The following SMAD3 variants were observed in gnomAD, a reference collection of about 807,000 sequenced individuals.
SMAD3 encodes MAD homolog 3.
SMAD3 carries 12 observed loss-of-function variants against 51.8 expected under a neutral mutation model. The ratio of observed to expected loss-of-function variants is 0.23; its 90% CI spans 0.15 to 0.38. The LOEUF is 0.38. Ranked by LOEUF, SMAD3 falls within the 10% of genes least tolerant of loss-of-function variation. The pLI, the probability that SMAD3 is intolerant of heterozygous loss-of-function variation, is 1.00. For synonymous variants in SMAD3, 238 were observed against 227.7 expected, an observed-to-expected ratio of 1.05 and a Z score of -0.41; for missense variants, 294 against 565.6, an observed-to-expected ratio of 0.52 and a Z score of 4.87.
At chr15:67,174,818 A>C (rs1962845248) in intron 5 of SMAD3, among the ~76,000 whole-genome samples, 1 of 152,250 alleles carries the variant, frequency 6.6e-6, no homozygotes, top group Non-Finnish European at 1.5e-5. Flanking sequence ...AGCAGAGGAC[A>C]TCTGGTTTCT....
At chr15:67,116,344 C>G (rs1595908354) in intron 1 of SMAD3, among the ~76,000 whole-genome samples, 1 of 152,168 alleles carries the variant, frequency 6.6e-6, no homozygotes, top group African/African-American at 2.4e-5. Context: ...ACACGTTGTC[C>G]TAGGATGCAG....
Position 67,084,286 on chromosome 15 carries a change from T to A in SMAD3, c.206+17926T>A, listed in dbSNP as rs182944987. 7.8e-4 allele frequency among the ~76,000 whole-genome samples: 118 copies of A among 151,786 alleles called. 1 individual carries two copies. Among genetic ancestry groups the A allele is most frequent in the African/African-American group, 2.8e-3 (114 of 41,376 alleles). On this transcript the variant is annotated intron_variant, in intron 1 of 8. Transcript: ENST00000327367. Reference sequence around the variant, plus strand: ...TTAGTAGAGACGGGGTTTCTTTGTGTTAGCCAGGATGGTCTCCATCTCCTG... The same window carrying A: ...TTAGTAGAGACGGGGTTTCTTTGTGATAGCCAGGATGGTCTCCATCTCCTG...
intron 1 of SMAD3, among the ~76,000 whole-genome samples, chr15:67,127,070 G>C (rs1397331199): frequency 1.3e-5 from 2 of 152,126 alleles, no homozygotes; most frequent in Non-Finnish European, 2.9e-5. Context: ...TTAGCTCTCA[G>C]ACAGACAAGG....
intron 1 of SMAD3, among the ~76,000 whole-genome samples, chr15:67,067,294 C>G (rs1021465422): frequency 6.6e-6 from 1 of 152,212 alleles, no homozygotes; most frequent in Non-Finnish European, 1.5e-5. Flanking sequence ...CGGGCGGGAG[C>G]CCACAGATGG....
At position 67,194,978 on chromosome 15, in the gene SMAD3, C is replaced by G. The variant is rs189685754; in HGVS notation, c.*4442C>G. 1 of 233,660 alleles carries G rather than the reference C, an allele frequency of 4.3e-6. No homozygotes were observed. Among genetic ancestry groups the G allele is most frequent in the East Asian group, 6.0e-5 (1 of 16,694 alleles). 14.5% of individuals were successfully genotyped at this position (233,660 alleles called of 1,614,324 possible). ...GACTGTGTTGATTACCTTCACTATT[C>G]GGCCAGCCTGACCTTTTAATAACTT... On this transcript the variant is annotated 3_prime_UTR_variant, in exon 9 of 9. Transcript: ENST00000327367.
intron 7 of SMAD3, chr15:67,186,977 C>T (rs1427783539): frequency 2.2e-6 from 1 of 446,108 alleles, no homozygotes; most frequent in Non-Finnish European, 4.5e-6. Flanking sequence ...GGCAACCTGG[C>T]CCAGGTCCCT....
At chr15:67,181,555 G>A (rs928593126) in intron 6 of SMAD3, 102 bp downstream of exon 6, 121 of 1,000,980 alleles carry the variant, frequency 1.2e-4, no homozygotes, top group Non-Finnish European at 1.6e-4. Context: ...GGAACCTTGC[G>A]TCCATCCTTA....
Position 67,166,696 on chromosome 15 carries a change from G to A in SMAD3, c.533-83G>A. The A allele has an allele frequency of 4.7e-6, 4 of 848,142 alleles. No individual in the cohort carries two copies. In the South Asian group the frequency reaches 5.7e-5, roughly 12 times the overall value. The allele number at this position is 848,142 out of a possible 1,614,324, so 52.5% of individuals were successfully genotyped here. ...GCCACGGATGCTAGCATCATGGTGT[G>A]CATGTGTGATGTCTTTGCAAAAGGT... On this transcript the variant is annotated intron_variant, in intron 3 of 8. Transcript: ENST00000327367.
At chr15:67,134,030 G>A (rs780990861) in intron 1 of SMAD3, among the ~76,000 whole-genome samples, 6 of 151,998 alleles carry the variant, frequency 3.9e-5, no homozygotes, top group Non-Finnish European at 7.4e-5. Context: ...GCACCTTCAC[G>A]TTTAGCAGTA....
At chr15:67,098,889 C>A (rs1566967616) in intron 1 of SMAD3, 1 of 702,060 alleles carries the variant, frequency 1.4e-6, no homozygotes, top group Admixed American at 2.0e-5. Flanking sequence ...AGGGTGGACT[C>A]CGTTCCTGAG....
At chr15:67,171,155 ATC>A (rs1163900672) in intron 5 of SMAD3, among the ~76,000 whole-genome samples, 1 of 152,150 alleles carries the variant, frequency 6.6e-6, no homozygotes, top group Non-Finnish European at 1.5e-5. Flanking sequence ...AGGCATATAT[ATC>A]TCTGTGCCTT....
chr15:67,132,611 C>T (rs2140254395), intron 1 of SMAD3, among the ~76,000 whole-genome samples: 1 of 152,292 alleles, frequency 6.6e-6, no homozygotes, highest in East Asian at 1.9e-4. Flanking sequence ...CAGTTATTAG[C>T]TATGTGACTT....
chr15:67,073,767 C>T (rs578140485), intron 1 of SMAD3, among the ~76,000 whole-genome samples: 26 of 152,316 alleles, frequency 1.7e-4, no homozygotes, highest in Admixed American at 5.9e-4. Flanking sequence ...CTCCGCTTCC[C>T]AGGTTCAAGT....
At chr15:67,093,890 C>G (rs952233510) in intron 1 of SMAD3, among the ~76,000 whole-genome samples, 7 of 152,188 alleles carry the variant, frequency 4.6e-5, no homozygotes, top group Non-Finnish European at 7.3e-5. Flanking sequence ...TGAAGTGGTG[C>G]GGACGTCTTT....
At position 67,187,353 on chromosome 15, in the gene SMAD3, T is replaced by C. The variant is rs773629535; in HGVS notation, c.1010-12T>C. On this transcript the variant is annotated splice_polypyrimidine_tract_variant and intron_variant, in intron 7 of 8. Coordinates refer to ENST00000327367, the MANE Select transcript of SMAD3 (RefSeq NM_005902.4). The stretch of plus-strand genomic sequence containing the variant: ...TTCCATCCCCACAGCCCTGTTTCTG[T>C]GTTTTTGGCAGGATGCAACCTGAAG... 6.2e-7 allele frequency: 1 copy of C among 1,614,116 alleles called. No individual in the cohort carries two copies. The highest frequency in any genetic ancestry group is 2.2e-5 in the East Asian group (1 of 44,880).
chr15:67,086,822 G>A (rs1397329832), intron 1 of SMAD3, among the ~76,000 whole-genome samples: 1 of 152,082 alleles, frequency 6.6e-6, no homozygotes, highest in Admixed American at 6.5e-5. Context: ...GGGACACATG[G>A]ATCAAGGAAC....
At chr15:67,096,638 T>A (rs1164139855) in intron 1 of SMAD3, among the ~76,000 whole-genome samples, 1 of 150,958 alleles carries the variant, frequency 6.6e-6, no homozygotes, top group Non-Finnish European at 1.5e-5. Context: ...CCATGATTGA[T>A]ACTTTTTTTT....
chr15:67,145,830 C>G (rs1452358612), intron 1 of SMAD3, among the ~76,000 whole-genome samples: 1 of 152,160 alleles, frequency 6.6e-6, no homozygotes, highest in Non-Finnish European at 1.5e-5. Flanking sequence ...CTGTTGTTTC[C>G]ACCGTGTCTC....
intron 1 of SMAD3, among the ~76,000 whole-genome samples, chr15:67,094,735 C>G (rs1371982493): frequency 6.6e-6 from 1 of 152,250 alleles, no homozygotes; most frequent in Non-Finnish European, 1.5e-5. Flanking sequence ...TTTAACGTGT[C>G]TCAGAGGAGC....
Sources: allele counts gnomAD v4.1 joint callset (sites outside exome capture counted in the v4.1 genomes callset), GRCh38; gene constraint gnomAD v4.1.1; transcripts MANE v1.5; gene names NCBI Gene and HGNC (gene_info 2026-07-23, HGNC 2026-07-21).